The following TENT4B variants were observed in gnomAD, a reference collection of about 807,000 sequenced individuals.
TENT4B encodes terminal nucleotidyltransferase 4B, also known as PAP associated domain containing 5.
TENT4B carries 10 observed loss-of-function variants against 75.0 expected under a neutral mutation model. That is an observed-to-expected ratio of 0.13 (90% CI 0.08 to 0.23). The LOEUF is 0.23. Ranked by LOEUF, TENT4B falls within the 10% of genes least tolerant of loss-of-function variation. The pLI, the probability that TENT4B is intolerant of heterozygous loss-of-function variation, is 1.00. For synonymous variants in TENT4B, 350 were observed against 357.7 expected, an observed-to-expected ratio of 0.98 and a Z score of 0.24; for missense variants, 579 against 893.8, an observed-to-expected ratio of 0.65 and a Z score of 4.49.
intron 3 of TENT4B, 105 bp from the exon 4 acceptor site, chr16:50,215,970 G>A: frequency 7.2e-7 from 1 of 1,387,314 alleles, no homozygotes; most frequent in Non-Finnish European, 1.0e-6. Context: ...TGGCCAGGGT[G>A]GGAAATAGGT....
At chr16:50,216,308 T>A (rs1009975956) in intron 4 of TENT4B, 113 bp downstream of exon 4, 48 of 1,348,728 alleles carry the variant, frequency 3.6e-5, no homozygotes, top group Non-Finnish European at 4.8e-5. Flanking sequence ...TTCTTTCATT[T>A]TGTTAATGTC....
intron 1 of TENT4B, among the ~76,000 whole-genome samples, chr16:50,172,983 C>T (rs1567482443): frequency 1.3e-5 from 2 of 152,154 alleles, no homozygotes; most frequent in Non-Finnish European, 2.9e-5. Flanking sequence ...CGCTCTCGCC[C>T]AGGCTGGAGT....
At chr16:50,161,118 G>A (rs190239854) in intron 1 of TENT4B, among the ~76,000 whole-genome samples, 1 of 152,258 alleles carries the variant, frequency 6.6e-6, no homozygotes, top group African/African-American at 2.4e-5. Context: ...CAGCTGCTGT[G>A]GAATGCCAAA....
chr16:50,166,520 C>T (rs1438574948), intron 1 of TENT4B, among the ~76,000 whole-genome samples: 1 of 152,182 alleles, frequency 6.6e-6, no homozygotes, highest in Non-Finnish European at 1.5e-5. Flanking sequence ...TGGCCATGTG[C>T]ACATCTTTGT....
chr16:50,177,539 TG>T (rs900895335), intron 1 of TENT4B, among the ~76,000 whole-genome samples: 164 of 152,300 alleles, frequency 1.1e-3, no homozygotes, highest in African/African-American at 3.7e-3. Flanking sequence ...AATATTTCTT[TG>T]TTTTGCTTTT....
intron 1 of TENT4B, among the ~76,000 whole-genome samples, chr16:50,186,741 G>C (rs2038534393): frequency 1.3e-5 from 2 of 151,786 alleles, no homozygotes; most frequent in African/African-American, 4.8e-5. Flanking sequence ...AAGGTCCTTT[G>C]CACTTTTTTT....
intron 1 of TENT4B, among the ~76,000 whole-genome samples, chr16:50,180,995 T>A (rs1308919249): frequency 6.6e-6 from 1 of 152,242 alleles, no homozygotes; most frequent in Non-Finnish European, 1.5e-5. Context: ...CCATAACAAG[T>A]GAATTAAACA....
At chr16:50,186,580 A>C (rs1292429588) in intron 1 of TENT4B, among the ~76,000 whole-genome samples, 2 of 152,116 alleles carry the variant, frequency 1.3e-5, no homozygotes, top group African/African-American at 4.8e-5. Flanking sequence ...CTCTGATTTC[A>C]GTTCTTTTGG....
intron 3 of TENT4B, among the ~76,000 whole-genome samples, chr16:50,215,512 GAA>G (rs2031504987): frequency 1.3e-5 from 2 of 152,012 alleles, no homozygotes; most frequent in African/African-American, 4.8e-5. Context: ...TTCACATTTG[GAA>G]AAGGCACAAA....
At position 50,234,808 on chromosome 16, in the gene TENT4B, A is replaced by C. The variant is rs2032398060; in HGVS notation, c.*5480A>C. The C allele has an allele frequency of 1.2e-5, 12 of 985,500 alleles. 1 individual carries two copies. The South Asian group carries it at 5.2e-4, about 42-fold the overall frequency. The allele number at this position is 985,500 out of a possible 1,614,324, so 61.0% of individuals were successfully genotyped here. A position where few individuals can be genotyped will look rare whatever the true frequency, so the allele number is the denominator to read the frequency against. ...TGTAGTTTCTGGATATAAAGTGTGA[A>C]GGACTGTTGAGTTAAACATTTTTAG... On this transcript the variant is annotated 3_prime_UTR_variant, in exon 12 of 12. Coordinates refer to ENST00000561678, the MANE Select transcript of TENT4B (RefSeq NM_001365324.3).
In TENT4B at chr16:50,225,234, A is replaced by G; in HGVS notation, c.1749A>G (p.Ser583=). The change falls in exon 10 of 12, where the codon TCA becomes TCG. Residue 583 remains serine (S), a synonymous_variant. Coordinates refer to ENST00000561678, the MANE Select transcript of TENT4B (RefSeq NM_001365324.3). ...TTAGTAAACACTCTTCAAACTCTTC[A>G]TCAGGTCCAGTGTCGTCCTCTTCTG... ...ESLSKHSSNS[S]SGPVSSSSAT... The G allele has an allele frequency of 6.2e-7, 1 of 1,614,000 alleles. No individual in the cohort carries two copies. The highest frequency in any genetic ancestry group is 8.5e-7 in the Non-Finnish European group (1 of 1,179,866).
chr16:50,215,489 T>TAC (rs1329035383), intron 3 of TENT4B, among the ~76,000 whole-genome samples: 1 of 152,228 alleles, frequency 6.6e-6, no homozygotes, highest in Admixed American at 6.5e-5. Context: ...GAATAGGTAG[T>TAC]ACATTCACAT....
intron 1 of TENT4B, among the ~76,000 whole-genome samples, chr16:50,203,481 A>G (rs915417377): frequency 6.6e-6 from 1 of 152,250 alleles, no homozygotes; most frequent in African/African-American, 2.4e-5. Context: ...TTCCACTTGT[A>G]AACCTTGGCT....
chr16:50,174,742 CTTT>C (rs35242106), intron 1 of TENT4B, among the ~76,000 whole-genome samples: 6 of 75,812 alleles, frequency 7.9e-5, no homozygotes, highest in Admixed American at 1.6e-4. Flanking sequence ...CTCCCCTACT[CTTT>C]TTTTTTTTTT....
At chr16:50,218,291 A>G (rs3859117) in intron 5 of TENT4B, among the ~76,000 whole-genome samples, 100,617 of 151,736 alleles carry the variant, frequency 0.66, 35,381 homozygotes, top group Non-Finnish European at 0.77. Context: ...CCTTTAACCC[A>G]TTTCCCATAT....
chr16:50,180,410 A>AT (rs1235745850), intron 1 of TENT4B, among the ~76,000 whole-genome samples: 1 of 152,028 alleles, frequency 6.6e-6, no homozygotes, highest in Non-Finnish European at 1.5e-5. Flanking sequence ...GCCTTCACAT[A>AT]TTTTTTGAAA....
In TENT4B at chr16:50,233,245, A is replaced by G; in HGVS notation, c.*3917A>G. ...GTGGGAACAAAGATTTATATATGAA[A>G]TTCCTTAAAAGAGTTCATCTTGCCT... On this transcript the variant is annotated 3_prime_UTR_variant, in exon 12 of 12. Coordinates refer to ENST00000561678, the MANE Select transcript of TENT4B (RefSeq NM_001365324.3). The G allele has an allele frequency of 1.0e-6, 1 of 985,354 alleles. No homozygotes were observed. Among genetic ancestry groups the G allele is most frequent in the Non-Finnish European group, 1.2e-6 (1 of 829,846 alleles). 61.0% of individuals were successfully genotyped at this position (985,354 alleles called of 1,614,324 possible). A position where few individuals can be genotyped will look rare whatever the true frequency, so the allele number is the denominator to read the frequency against.
In TENT4B at chr16:50,159,319, A is replaced by G. The variant is rs1200372261; in HGVS notation, c.638+5060A>G. On this transcript the variant is annotated intron_variant, in intron 1 of 11. Transcript: ENST00000561678. ...GAGTGCAGTGGCGCGATCTTGGCTC[A>G]TTGCAACCTCTGACTCCCGGGTTCA... Among the ~76,000 whole-genome samples, 7 of 144,906 alleles carry G rather than the reference A, an allele frequency of 4.8e-5. No homozygotes were observed. The East Asian group carries it at 1.2e-3, about 25-fold the overall frequency.
At chr16:50,176,817 T>C (rs2038320691) in intron 1 of TENT4B, among the ~76,000 whole-genome samples, 1 of 152,064 alleles carries the variant, frequency 6.6e-6, no homozygotes, top group Non-Finnish European at 1.5e-5. Flanking sequence ...TATAATTCTT[T>C]ACGTATATTG....
Sources: allele counts gnomAD v4.1 joint callset (sites outside exome capture counted in the v4.1 genomes callset), GRCh38; gene constraint gnomAD v4.1.1; transcripts MANE v1.5; gene names NCBI Gene and HGNC (gene_info 2026-07-23, HGNC 2026-07-21).